Variants in TCF7 observed in about 807,000 individuals in gnomAD.
The protein encoded by TCF7 is T-cell-factor-7.
A neutral mutation model predicts 46.8 loss-of-function variants in TCF7; 19 were observed. The ratio of observed to expected loss-of-function variants is 0.41; its 90% CI spans 0.28 to 0.60. The LOEUF (loss-of-function observed/expected upper bound fraction) is 0.60, where lower values mean the gene tolerates loss of function less well. TCF7 is among the 20% of genes least tolerant of loss of function. The pLI, the probability that TCF7 is intolerant of heterozygous loss-of-function variation, is 0.35. For synonymous variants in TCF7, 245 were observed against 213.4 expected (o/e 1.15, Z -1.29); for missense variants, 547 against 504.6 (o/e 1.08, Z -0.81).
chr5:134,130,920 C>G (rs1458708136), intron 3 of TCF7, among the ~76,000 whole-genome samples: 1 of 152,192 alleles, frequency 6.6e-6, no homozygotes, highest in Non-Finnish European at 1.5e-5. Context: ...ACAGGAAGGG[C>G]AGGACAGATA....
In TCF7 at chr5:134,115,764, A is replaced by G. The variant is rs951564322; in HGVS notation, c.317-145A>G. The G allele has an allele frequency of 2.9e-5, 43 of 1,473,416 alleles. No homozygotes were observed. The African/African-American group carries it at 5.4e-4, about 18-fold the overall frequency. 91.3% of individuals were successfully genotyped at this position (1,473,416 alleles called of 1,614,324 possible). A position where few individuals can be genotyped will look rare whatever the true frequency, so the allele number is the denominator to read the frequency against. The stretch of plus-strand genomic sequence containing the variant: ...CCAGGTCCTTCCCCTAAAACTTGGC[A>G]CTGCCGATACTCCCAGCCCGTTCCT... On this transcript the variant is annotated intron_variant, in intron 2 of 9. Coordinates refer to ENST00000342854, the MANE Select transcript of TCF7 (RefSeq NM_003202.5).
chr5:134,136,755 T>G (rs1477340236), intron 3 of TCF7, among the ~76,000 whole-genome samples: 1 of 152,170 alleles, frequency 6.6e-6, no homozygotes, highest in African/African-American at 2.4e-5. Flanking sequence ...GAGAGATGCC[T>G]GAAGCTCTTA....
upstream of TCF7, among the ~76,000 whole-genome samples, chr5:134,113,633 G>A (rs1478950753): frequency 1.3e-5 from 2 of 152,254 alleles, no homozygotes; most frequent in Non-Finnish European, 2.9e-5. Context: ...ACTGCATCGC[G>A]ATCCAAAGGA....
chr5:134,116,113 C>G (rs1188961940), intron 3 of TCF7, 80 bp downstream of exon 3: 3 of 1,506,082 alleles, frequency 2.0e-6, no homozygotes, highest in African/African-American at 1.4e-5. Context: ...CAAGAGACTT[C>G]TGCCTGGAAC....
chr5:134,119,014 G>C (rs955552716), intron 3 of TCF7, among the ~76,000 whole-genome samples: 5 of 152,166 alleles, frequency 3.3e-5, no homozygotes, highest in Non-Finnish European at 7.3e-5. Context: ...GGTTTTCTCT[G>C]CTCTGCTCTG....
At chr5:134,108,755 C>T in the TCF7 span, among the ~76,000 whole-genome samples, 1 of 152,128 alleles carries the variant, frequency 6.6e-6, no homozygotes, top group South Asian at 2.1e-4. Flanking sequence ...TGAAAAGGTG[C>T]CATTCTAGGC....
In TCF7 at chr5:134,146,418, CCA is replaced by C. The variant is rs1561707675; in HGVS notation, c.*117_*118del. The stretch of plus-strand genomic sequence containing the variant: ...CCGGCACCTACATCCCCAGGTCTCT[CCA>C]CTGCTCTCAGCCTCCCAACCCCAGG... On this transcript the variant is annotated 3_prime_UTR_variant, in exon 10 of 10. Transcript: ENST00000342854. 1 of 1,295,238 alleles carries C rather than the reference CCA, an allele frequency of 7.7e-7. No homozygotes were observed. The highest frequency in any genetic ancestry group is 1.1e-6 in the Non-Finnish European group (1 of 890,922). The allele number at this position is 1,295,238 out of a possible 1,614,324, so 80.2% of individuals were successfully genotyped here. A position where few individuals can be genotyped will look rare whatever the true frequency, so the allele number is the denominator to read the frequency against.
intron 9 of TCF7, 86 bp from the exon 10 acceptor site, chr5:134,146,138 C>T: frequency 1.2e-6 from 2 of 1,613,050 alleles, no homozygotes; most frequent in Non-Finnish European, 1.7e-6. Flanking sequence ...ATCAGCCAGG[C>T]CTGTGCAAAG....
At position 134,146,939 on chromosome 5, in the gene TCF7, G is replaced by A. The variant is rs1331708989; in HGVS notation, c.*636G>A. On this transcript the variant is annotated 3_prime_UTR_variant, in exon 10 of 10. Transcript: ENST00000342854. Reference sequence around the variant, plus strand: ...CAGACACTTCATGGACCAAGAATGAGCTGGTTTGTCAAACAACATGTGAGC... The same window carrying A: ...CAGACACTTCATGGACCAAGAATGAACTGGTTTGTCAAACAACATGTGAGC... 2 of 198,466 alleles carry A rather than the reference G, an allele frequency of 1.0e-5. No individual in the cohort carries two copies. Among genetic ancestry groups the A allele is most frequent in the Non-Finnish European group, 2.0e-5 (2 of 99,340 alleles). The allele number at this position is 198,466 out of a possible 1,614,324, so 12.3% of individuals were successfully genotyped here.
At chr5:134,120,387 A>AC (rs1279261468) in intron 3 of TCF7, among the ~76,000 whole-genome samples, 2 of 151,868 alleles carry the variant, frequency 1.3e-5, no homozygotes, top group African/African-American at 4.8e-5. Context: ...ACCTGATGAG[A>AC]CCCCGCATCA....
At chr5:134,123,518 G>A (rs942089426) in intron 3 of TCF7, 2 of 367,168 alleles carry the variant, frequency 5.4e-6, no homozygotes, top group African/African-American at 4.2e-5. Context: ...CTGAGAGAGG[G>A]GCCTGCACAG....
chr5:134,129,608 G>A (rs748223741), intron 3 of TCF7, among the ~76,000 whole-genome samples: 1 of 152,230 alleles, frequency 6.6e-6, no homozygotes, highest in African/African-American at 2.4e-5. Context: ...CCTGAGGGGC[G>A]TTCACCTCAA....
intron 5 of TCF7, chr5:134,139,950 C>T (rs1327065398): frequency 6.6e-6 from 1 of 152,202 alleles, no homozygotes; most frequent in Non-Finnish European, 1.5e-5. Flanking sequence ...GCTCAAGAGC[C>T]CAGCCTTACT....
At chr5:134,124,282 C>A (rs969222918) in intron 3 of TCF7, among the ~76,000 whole-genome samples, 1 of 152,176 alleles carries the variant, frequency 6.6e-6, no homozygotes. Context: ...GGGGTCTGGA[C>A]CTGGGAAACC....
intron 3 of TCF7, among the ~76,000 whole-genome samples, chr5:134,120,849 G>A (rs1756477500): frequency 6.6e-6 from 1 of 152,240 alleles, no homozygotes; most frequent in African/African-American, 2.4e-5. Context: ...CAATGGGAGT[G>A]GTGAGCCCTC....
At chr5:134,146,102 C>A in intron 9 of TCF7, 122 bp from the exon 10 acceptor site, 2 of 1,603,914 alleles carry the variant, frequency 1.2e-6, no homozygotes, top group Admixed American at 1.7e-5. Context: ...ACTTACCACC[C>A]AAGTCCCAGG....
At chr5:134,116,494 A>G (rs1755858682) in intron 3 of TCF7, among the ~76,000 whole-genome samples, 1 of 152,214 alleles carries the variant, frequency 6.6e-6, no homozygotes, top group African/African-American at 2.4e-5. Context: ...TGTGCAGGAG[A>G]AACGTGCTGT....
chr5:134,130,736 G>A (rs1397779027), intron 3 of TCF7, among the ~76,000 whole-genome samples: 1 of 152,144 alleles, frequency 6.6e-6, no homozygotes, highest in Non-Finnish European at 1.5e-5. Context: ...TTCCTAACCT[G>A]TATGCTGCAG....
At chr5:134,131,650 TGC>T (rs1758141273) in intron 3 of TCF7, among the ~76,000 whole-genome samples, 1 of 152,194 alleles carries the variant, frequency 6.6e-6, no homozygotes, top group Admixed American at 6.5e-5. Context: ...GCAACAAGCC[TGC>T]TGAGTGCAGA....
Sources: allele counts gnomAD v4.1 joint callset (sites outside exome capture counted in the v4.1 genomes callset), GRCh38; gene constraint gnomAD v4.1.1; transcripts MANE v1.5; gene names NCBI Gene and HGNC (gene_info 2026-07-23, HGNC 2026-07-21).